Variants in DUOX1 observed in about 807,000 individuals in gnomAD.
DUOX1 encodes dual oxidase 1.
A neutral mutation model predicts 181.8 loss-of-function variants in DUOX1; 134 were observed. The observed-to-expected ratio is 0.74, with a 90% CI of 0.64 to 0.85. The LOEUF is 0.85. DUOX1 is among the 40% of genes least tolerant of loss of function. The pLI, the probability that DUOX1 is intolerant of heterozygous loss-of-function variation, is 0.00. For synonymous variants in DUOX1, 798 were observed against 832.5 expected (o/e 0.96, Z 0.71); for missense variants, 1,814 against 2,064.4 (o/e 0.88, Z 2.35).
intron 28 of DUOX1, among the ~76,000 whole-genome samples, 166 bp from the exon 29 acceptor site, chr15:45,160,668 GGAT>G: frequency 6.6e-6 from 1 of 152,220 alleles, no homozygotes; most frequent in South Asian, 2.1e-4. Context: ...ATGCTATGGA[GGAT>G]GGAGTTGGGA....
Position 45,139,592 on chromosome 15 carries a change from A to G in DUOX1, c.1382A>G (p.Asn461Ser), listed in dbSNP as rs758267444. ...QDINPALSRS[N>S]DTVLEATAAL... ...ATCAACCCTGCACTCTCCCGGAGCA[A>G]TGACACTGTGAGGAGGGGTCAGGAC... The change falls in exon 12 of 34, where the codon AAT (asparagine) becomes AGT (serine). Residue 461 changes from asparagine to serine, a missense_variant. Physicochemically the swap from Asn to Ser is conservative, Grantham distance 46. Transcript: ENST00000389037. 2 of 1,551,856 alleles carry G rather than the reference A, an allele frequency of 1.3e-6. No homozygotes were observed. Among genetic ancestry groups the G allele is most frequent in the Non-Finnish European group, 1.7e-6 (2 of 1,145,652 alleles).
At chr15:45,144,748 A>G in intron 17 of DUOX1, 147 bp from the exon 18 acceptor site, 3 of 822,334 alleles carry the variant, frequency 3.6e-6, no homozygotes, top group Non-Finnish European at 3.8e-6. Context: ...ACTTAACCCT[A>G]CTGAGCCCCT....
chr15:45,145,611 A>G (rs1896631341), intron 18 of DUOX1, among the ~76,000 whole-genome samples: 1 of 152,146 alleles, frequency 6.6e-6, no homozygotes, highest in South Asian at 2.1e-4. Flanking sequence ...GAGTGGAGAA[A>G]CATGGTAGAT....
chr15:45,163,960 T>C lies in DUOX1; in HGVS notation c.4533+42T>C, dbSNP rs1175746764. 15 of 1,603,786 alleles carry C rather than the reference T, an allele frequency of 9.4e-6. No individual in the cohort carries two copies. The Admixed American group carries it at 1.5e-4, about 16-fold the overall frequency. ...ACCAGGTTCTCTTCCTCTTTATCAT[T>C]TGGGGTCTGAGCAAAGCTCCCAAAC... On this transcript the variant is annotated intron_variant, in intron 33 of 33. Coordinates refer to ENST00000389037, the MANE Select transcript of DUOX1 (RefSeq NM_175940.3).
rs1056974148 is a variant in DUOX1 at position 45,130,192 on chromosome 15, C to T, written c.-50+94C>T. The T allele has an allele frequency of 2.9e-4, 44 of 152,388 alleles. 1 individual carries two copies. Among genetic ancestry groups the T allele is most frequent in the African/African-American group, 1.0e-3 (43 of 41,472 alleles). 9.4% of individuals were successfully genotyped at this position (152,388 alleles called of 1,614,324 possible). ...GGGTGGCGGGGGAGCCGCAGCTCCTCCACGTTATGGAAGAAAGGGGAATGC... is the reference window on the plus strand; with the variant it reads ...GGGTGGCGGGGGAGCCGCAGCTCCTTCACGTTATGGAAGAAAGGGGAATGC... On this transcript the variant is annotated intron_variant, in intron 1 of 33. Coordinates refer to ENST00000389037, the MANE Select transcript of DUOX1 (RefSeq NM_175940.3).
chr15:45,135,210 G>C lies in DUOX1; in HGVS notation c.414G>C (p.Gln138His). ...PPGDPMFDPD[Q>H]RGDVVLPFQR... ...GAGACCCCATGTTCGACCCCGACCAGCGCGGGGACGTGGTGCTGCCCTTCC... is the reference window on the plus strand; with the variant it reads ...GAGACCCCATGTTCGACCCCGACCACCGCGGGGACGTGGTGCTGCCCTTCC... Residue 138 changes from glutamine to histidine, a missense_variant, in exon 5 of 34, where the codon CAG (glutamine) becomes CAC (histidine). Gln to His is a conservative substitution (Grantham distance 24, BLOSUM62 0). Around this residue, in one of 5 missense-constraint regions of DUOX1, gnomAD observed 320 missense variants for 313.1 expected, o/e 1.02. Transcript: ENST00000389037. The C allele has an allele frequency of 6.2e-7, 1 of 1,613,672 alleles. No homozygotes were observed. Among genetic ancestry groups the C allele is most frequent in the Admixed American group, 1.7e-5 (1 of 60,014 alleles).
intron 28 of DUOX1, among the ~76,000 whole-genome samples, chr15:45,156,514 C>T (rs922177778): frequency 9.8e-5 from 15 of 152,288 alleles, no homozygotes; most frequent in African/African-American, 3.6e-4. Context: ...CTCACAGCAA[C>T]CACCGCCTTC....
chr15:45,144,063 C>T lies in DUOX1; in HGVS notation c.1964C>T (p.Pro655Leu). The change falls in exon 17 of 34, where the codon CCC becomes CTC. Residue 655 changes from proline (P) to leucine (L), a missense_variant. Around this residue, in one of 5 missense-constraint regions of DUOX1, gnomAD observed 1,064 missense variants for 1,152.9 expected, o/e 0.92. Coordinates refer to ENST00000389037, the MANE Select transcript of DUOX1 (RefSeq NM_175940.3). Reference protein sequence around the residue: ...EALEWQGHKEPCRPVLVYLQP... With the variant: ...EALEWQGHKELCRPVLVYLQP... ...TTGGAATGGCAAGGCCACAAGGAGC[C>T]CTGCCGGCCCGTGCTTGTGTACCTG... is the stretch of plus-strand genomic sequence containing the variant. 6.2e-7 allele frequency: 1 copy of T among 1,614,042 alleles called. No homozygotes were observed. The highest frequency in any genetic ancestry group is 8.5e-7 in the Non-Finnish European group (1 of 1,180,044).
At chr15:45,148,161 C>T (rs985310366) in intron 20 of DUOX1, 111 bp from the exon 21 acceptor site, 14 of 1,540,540 alleles carry the variant, frequency 9.1e-6, no homozygotes, top group African/African-American at 4.1e-5. Context: ...TGTGGCCAGT[C>T]GGGGCCCCTC....
intron 12 of DUOX1, 111 bp from the exon 13 acceptor site, chr15:45,140,784 G>A: frequency 9.0e-7 from 1 of 1,105,060 alleles, no homozygotes; most frequent in South Asian, 1.4e-5. Context: ...GTGAGTTACT[G>A]TTACTGTCAT....
At position 45,163,613 on chromosome 15, in the gene DUOX1, C is replaced by T; in HGVS notation, c.4330C>T (p.His1444Tyr). The change falls in exon 32 of 34, where the codon CAC becomes TAC. Residue 1444 changes from histidine (H) to tyrosine (Y), a missense_variant. Coordinates refer to ENST00000389037, the MANE Select transcript of DUOX1 (RefSeq NM_175940.3). ...CATCCGAGAGGTGGAGGAGAATGAC[C>T]ACCAGGACCTGGTGTCTGTGCACAT... ...DIIREVEEND[H>Y]QDLVSVHIYI... 1 of 1,614,148 alleles carries T rather than the reference C, an allele frequency of 6.2e-7. No individual in the cohort carries two copies. The highest frequency in any genetic ancestry group is 8.5e-7 in the Non-Finnish European group (1 of 1,180,024).
intron 19 of DUOX1, 121 bp downstream of exon 19, chr15:45,147,779 G>C (rs943997904): frequency 6.5e-7 from 1 of 1,535,826 alleles, no homozygotes; most frequent in Non-Finnish European, 9.0e-7. Flanking sequence ...CCGAGGTCAG[G>C]AAGCAGAGCG....
chr15:45,143,156 A>G, intron 15 of DUOX1, 34 bp from the exon 16 acceptor site: 1 of 1,566,592 alleles, frequency 6.4e-7, no homozygotes, highest in Non-Finnish European at 8.8e-7. Flanking sequence ...CTAGACCCCC[A>G]CGTCTCCCTG....
rs1166962445 is a variant in DUOX1, at chr15:45,163,906, G to T, written c.4521G>T (p.Glu1507Asp). The T allele has an allele frequency of 6.2e-7, 1 of 1,614,038 alleles. No individual in the cohort carries two copies. Among genetic ancestry groups the T allele is most frequent in the Admixed American group, 1.7e-5 (1 of 60,016 alleles). ...PFEPFFNSLQ[E>D]VHPQVRKIGV... ...AGCCCTTCTTCAACTCCCTGCAGGAGGTCCACCCCCAGGTCAGTCCAACCC... is the reference window on the plus strand; with the variant it reads ...AGCCCTTCTTCAACTCCCTGCAGGATGTCCACCCCCAGGTCAGTCCAACCC... The change falls in exon 33 of 34, where the codon GAG becomes GAT. Residue 1507 changes from glutamate (E) to aspartate (D), a missense_variant. By Grantham distance (45) the Glu-to-Asp change is conservative. This residue lies in a region of DUOX1 where 124 missense variants were observed against 125.7 expected (regional missense o/e 0.99). Transcript: ENST00000389037.
chr15:45,161,910 C>A lies in DUOX1; in HGVS notation c.4029C>A (p.Thr1343=). The A allele has an allele frequency of 6.2e-7, 1 of 1,613,252 alleles. No individual in the cohort carries two copies. The highest frequency in any genetic ancestry group is 8.5e-7 in the Non-Finnish European group (1 of 1,179,772). The change falls in exon 30 of 34, where the codon ACC becomes ACA. Residue 1343 remains threonine, a synonymous_variant. Coordinates refer to ENST00000389037, the MANE Select transcript of DUOX1 (RefSeq NM_175940.3). ...ACATCCGGGCAGCAGGGCCCTGGAC[C>A]ACTCGCCTCAGGGAGATCTACTCAG... ...SLHIRAAGPW[T]TRLREIYSAP...
Position 45,141,280 on chromosome 15 carries a change from A to C in DUOX1, c.1566-12A>C, listed in dbSNP as rs775312130. 36 of 1,613,320 alleles carry C rather than the reference A, an allele frequency of 2.2e-5. No individual in the cohort carries two copies. Among genetic ancestry groups the C allele is most frequent in the South Asian group, 2.2e-4 (20 of 91,056 alleles). The stretch of plus-strand genomic sequence containing the variant: ...CTTCCCATCCCAGTGACTTCTACTT[A>C]CTCCAACTTAGGCTGTTCTCCAAGA... On this transcript the variant is annotated splice_polypyrimidine_tract_variant and intron_variant, in intron 13 of 33. Transcript: ENST00000389037.
At chr15:45,142,256 G>A (rs574006695) in intron 15 of DUOX1, 144 bp downstream of exon 15, 50 of 1,010,462 alleles carry the variant, frequency 4.9e-5, no homozygotes, top group Non-Finnish European at 6.9e-5. Flanking sequence ...AGAGGAGGAA[G>A]GGACAAGAGA....
chr15:45,153,963 C>G lies in DUOX1; in HGVS notation c.3537C>G (p.Pro1179=), dbSNP rs373157187. 5.6e-6 allele frequency: 9 copies of G among 1,613,192 alleles called. No homozygotes were observed. The African/African-American group carries it at 1.1e-4, about 19-fold the overall frequency. The change falls in exon 27 of 34, where the codon CCC becomes CCG. Residue 1179 remains proline (P), a synonymous_variant. Transcript: ENST00000389037. ...CCCTTCCACACAGGTCTGAGCTCCC[C>G]CAGAAGTATTACTGGTGGTTCTTCC... is the stretch of plus-strand genomic sequence containing the variant. ...GLFHDDGSEL[P]QKYYWWFFQT... is the part of the protein sequence containing the mutation.
chr15:45,147,709 G>A (rs1462002152), intron 19 of DUOX1, 51 bp downstream of exon 19: 1 of 1,608,740 alleles, frequency 6.2e-7, no homozygotes, highest in South Asian at 1.1e-5. Flanking sequence ...TGATCTGTTG[G>A]AGATGGGGAA....
Sources: gnomAD v4.1 joint callset for allele counts (sites outside exome capture counted in the v4.1 genomes callset) on GRCh38, gnomAD v4.1.1 for gene constraint, gnomAD v4.1.1 regional missense constraint, MANE v1.5 for transcripts, NCBI Gene and HGNC (gene_info 2026-07-23, HGNC 2026-07-21) for gene names.